Variants in KIAA1217 observed in about 807,000 individuals in gnomAD.
KIAA1217 encodes the protein KIAA1217.
KIAA1217 carries 88 observed loss-of-function variants against 163.9 expected under a neutral mutation model. That is an observed-to-expected ratio of 0.54 (90% confidence interval 0.45 to 0.64). The LOEUF is 0.64. KIAA1217 is among the 30% of genes least tolerant of loss of function. KIAA1217 has a pLI of 0.00. For missense variants in KIAA1217, 2,372 were observed against 2,475.0 expected (o/e 0.96, Z 0.88); for synonymous variants, 903 against 923.1 (o/e 0.98, Z 0.39).
At chr10:24,065,292 T>G (rs1486823926) in intron 2 of KIAA1217, among the ~76,000 whole-genome samples, 1 of 152,178 alleles carries the variant, frequency 6.6e-6, no homozygotes, top group Non-Finnish European at 1.5e-5. Context: ...TGCTATAAAT[T>G]TCCCTCTACA....
intron 2 of KIAA1217, among the ~76,000 whole-genome samples, chr10:24,069,795 T>C (rs979911729): frequency 6.6e-6 from 1 of 152,214 alleles, no homozygotes; most frequent in African/African-American, 2.4e-5. Flanking sequence ...ATCTTACTGA[T>C]ATTACTCCAA....
At chr10:23,723,566 G>A (rs1037304640) in intron 1 of KIAA1217, among the ~76,000 whole-genome samples, 2 of 152,128 alleles carry the variant, frequency 1.3e-5, no homozygotes, top group Non-Finnish European at 2.9e-5. Context: ...CACATTTACT[G>A]CTTCAGCTCT....
intron 2 of KIAA1217, 89 bp downstream of exon 2, chr10:24,219,998 G>T: frequency 7.3e-7 from 1 of 1,364,738 alleles, no homozygotes; most frequent in South Asian, 1.4e-5. Flanking sequence ...AAAAGGTAAA[G>T]GATAGCTTAG....
At chr10:24,080,486 C>A (rs986056893) in intron 2 of KIAA1217, among the ~76,000 whole-genome samples, 1 of 152,144 alleles carries the variant, frequency 6.6e-6, no homozygotes, top group African/African-American at 2.4e-5. Flanking sequence ...GGTCAGCAAT[C>A]CTGATTAGAA....
intron 1 of KIAA1217, among the ~76,000 whole-genome samples, chr10:23,933,107 T>C (rs1017142457): frequency 2.6e-5 from 4 of 152,234 alleles, no homozygotes; most frequent in African/African-American, 9.6e-5. Flanking sequence ...GCAGTTTTAC[T>C]TCTCATATAA....
At chr10:24,041,551 T>C (rs1176639993) in intron 2 of KIAA1217, among the ~76,000 whole-genome samples, 1 of 152,060 alleles carries the variant, frequency 6.6e-6, no homozygotes, top group Non-Finnish European at 1.5e-5. Context: ...TACATACACA[T>C]CCCATAACAC....
intron 2 of KIAA1217, among the ~76,000 whole-genome samples, chr10:24,329,753 G>A (rs914086388): frequency 7.2e-5 from 11 of 152,288 alleles, no homozygotes; most frequent in Admixed American, 7.2e-4. Context: ...TCAATAAGGA[G>A]TAGTTATCAT....
Position 24,046,913 on chromosome 10 carries a change from T to C in KIAA1217, c.-171+39539T>C, listed in dbSNP as rs528490607. ...AAAGCAATTCACTCATCAGATAAGT[T>C]AATAAAATGAGTTAACACTTTGTGA... On this transcript the variant is annotated intron_variant, in intron 2 of 18. Coordinates refer to the KIAA1217 transcript ENST00000376462. Among the ~76,000 whole-genome samples the C allele has an allele frequency of 6.6e-5, 10 of 152,344 alleles. No homozygotes were observed. The South Asian group carries it at 1.0e-3, about 16-fold the overall frequency.
intron 2 of KIAA1217, among the ~76,000 whole-genome samples, chr10:24,010,896 C>A (rs550187318): frequency 2.0e-5 from 3 of 152,070 alleles, no homozygotes; most frequent in African/African-American, 7.2e-5. Context: ...GCAGAATGAC[C>A]AAAAGATGGG....
At chr10:24,308,609 G>A (rs1215977578) in intron 2 of KIAA1217, among the ~76,000 whole-genome samples, 2 of 152,292 alleles carry the variant, frequency 1.3e-5, no homozygotes, top group African/African-American at 2.4e-5. Flanking sequence ...AAGGAACAAA[G>A]CCATTGAATC....
intron 2 of KIAA1217, among the ~76,000 whole-genome samples, chr10:24,103,355 A>G (rs934424337): frequency 1.3e-5 from 2 of 152,194 alleles, no homozygotes; most frequent in Admixed American, 6.5e-5. Flanking sequence ...GTAATGACTT[A>G]TTAGATACAA....
At chr10:24,094,592 G>A (rs578151752) in intron 2 of KIAA1217, among the ~76,000 whole-genome samples, 1 of 152,316 alleles carries the variant, frequency 6.6e-6, no homozygotes, top group South Asian at 2.1e-4. Flanking sequence ...TCCTCTGGAA[G>A]TTTTGTCTCA....
At chr10:24,111,323 T>C (rs1443539909) in intron 2 of KIAA1217, among the ~76,000 whole-genome samples, 1 of 152,216 alleles carries the variant, frequency 6.6e-6, no homozygotes, top group East Asian at 1.9e-4. Flanking sequence ...GCAAGATATG[T>C]ACACTGAAAC....
At chr10:24,002,857 C>T (rs1340449824) in intron 1 of KIAA1217, among the ~76,000 whole-genome samples, 1 of 152,156 alleles carries the variant, frequency 6.6e-6, no homozygotes, top group African/African-American at 2.4e-5. Context: ...TATGCCTTCG[C>T]ATTCTCATTG....
At chr10:24,078,769 C>G (rs1462978449) in intron 2 of KIAA1217, among the ~76,000 whole-genome samples, 1 of 152,134 alleles carries the variant, frequency 6.6e-6, no homozygotes. Context: ...CAGAGAGAGA[C>G]AGATGAGAGA....
At chr10:23,962,144 C>A (rs545903193) in intron 1 of KIAA1217, among the ~76,000 whole-genome samples, 2 of 152,306 alleles carry the variant, frequency 1.3e-5, no homozygotes, top group Admixed American at 1.3e-4. Flanking sequence ...TGACTCTGAC[C>A]AATGGAATTA....
At chr10:24,030,028 G>A (rs1416021737) in intron 2 of KIAA1217, among the ~76,000 whole-genome samples, 1 of 152,090 alleles carries the variant, frequency 6.6e-6, no homozygotes, top group Non-Finnish European at 1.5e-5. Flanking sequence ...CATTGCCCAG[G>A]CTACAGAAAG....
rs869211148 is a variant in KIAA1217 at position 24,355,728 on chromosome 10, C to CTTTTTTTTTTTTTTTTTTTTTTTTTTT, written c.355-25129_355-25103dup. On this transcript the variant is annotated intron_variant, in intron 2 of 20. Coordinates refer to ENST00000376454, the MANE Select transcript of KIAA1217 (RefSeq NM_019590.5). ...GAGATGAGCATAGCAAGTCCTCACTCTTTTTTTTTTTTTTTTTTTTTTTTT... is the reference window on the plus strand; with the variant it reads ...GAGATGAGCATAGCAAGTCCTCACTCTTTTTTTTTTTTTTTTTTTTTTTTTTTTTTTTTTTTTTTTTTTTTTTTTTTT... Among the ~76,000 whole-genome samples, 3 of 32,170 alleles carry CTTTTTTTTTTTTTTTTTTTTTTTTTTT rather than the reference C, an allele frequency of 9.3e-5. 1 individual carries two copies. Among genetic ancestry groups the CTTTTTTTTTTTTTTTTTTTTTTTTTTT allele is most frequent in the Non-Finnish European group, 2.1e-4 (3 of 14,006 alleles). The allele number at this position is 32,170 out of a possible 152,430, so 21.1% of individuals were successfully genotyped here.
At chr10:24,511,574 G>A (rs974000251) in intron 9 of KIAA1217, among the ~76,000 whole-genome samples, 2 of 152,040 alleles carry the variant, frequency 1.3e-5, no homozygotes, top group African/African-American at 4.8e-5. Flanking sequence ...TTGAACCCGG[G>A]AGGCAGAGGT....
Sources: gnomAD v4.1 joint callset for allele counts (sites outside exome capture counted in the v4.1 genomes callset) on GRCh38, gnomAD v4.1.1 for gene constraint, MANE v1.5 for transcripts, NCBI Gene and HGNC (gene_info 2026-07-23, HGNC 2026-07-21) for gene names.